Variants in DDX60 observed in about 807,000 individuals in gnomAD.
DDX60 encodes probable ATP-dependent RNA helicase DDX60.
A neutral mutation model predicts 212.8 loss-of-function variants in DDX60; 165 were observed. The ratio of observed to expected loss-of-function variants is 0.78; its 90% CI spans 0.68 to 0.88. The LOEUF is 0.88. DDX60 is among the 40% of genes least tolerant of loss of function. The pLI is 0.00. For missense variants in DDX60, 1,905 were observed against 2,003.9 expected (o/e 0.95, Z 0.94); for synonymous variants, 703 against 685.3 (o/e 1.03, Z -0.40).
chr4:168,304,084 C>G (rs1410322172), intron 5 of DDX60, among the ~76,000 whole-genome samples: 1 of 152,170 alleles, frequency 6.6e-6, no homozygotes, highest in Non-Finnish European at 1.5e-5. Context: ...ACTTACTGTA[C>G]TATGCGAATT....
chr4:168,245,829 TACAACC>T (rs1275813519), intron 30 of DDX60, among the ~76,000 whole-genome samples: 2 of 152,154 alleles, frequency 1.3e-5, no homozygotes, highest in East Asian at 3.9e-4. Flanking sequence ...AGGACACATT[TACAACC>T]ATATTTTGAA....
chr4:168,305,728 A>C (rs1302387764), intron 5 of DDX60, among the ~76,000 whole-genome samples: 1 of 151,572 alleles, frequency 6.6e-6, no homozygotes, highest in African/African-American at 2.4e-5. Flanking sequence ...AATAATTGTC[A>C]AATATACTAA....
At chr4:168,292,795 T>G (rs1316076978) in intron 7 of DDX60, among the ~76,000 whole-genome samples, 1 of 152,146 alleles carries the variant, frequency 6.6e-6, no homozygotes, top group East Asian at 1.9e-4. Flanking sequence ...TCAGGGCACC[T>G]CCAGAAGGCC....
At chr4:168,277,409 A>T (rs1735387897) in intron 14 of DDX60, among the ~76,000 whole-genome samples, 1 of 152,144 alleles carries the variant, frequency 6.6e-6, no homozygotes, top group Non-Finnish European at 1.5e-5. Flanking sequence ...CCGTCTTTGA[A>T]GGTGCTTATG....
intron 30 of DDX60, 93 bp downstream of exon 30, chr4:168,246,325 G>C: frequency 7.0e-7 from 1 of 1,419,160 alleles, no homozygotes; most frequent in Non-Finnish European, 9.8e-7. Context: ...GAAACTCAAG[G>C]GTGATTGCTA....
Position 168,306,727 on chromosome 4 carries a change from A to C in DDX60, c.265-7T>G. The stretch of plus-strand genomic sequence containing the variant: ...AATACGCATACTCGGCATCCTGTGG[A>C]GGAGGAGGTGAAGTACATTTTATTT... On this transcript the variant is annotated splice_region_variant and splice_polypyrimidine_tract_variant and intron_variant, in intron 4 of 37. Coordinates refer to ENST00000393743, the MANE Select transcript of DDX60 (RefSeq NM_017631.6). The C allele has an allele frequency of 6.3e-7, 1 of 1,592,584 alleles. No homozygotes were observed. The highest frequency in any genetic ancestry group is 8.6e-7 in the Non-Finnish European group (1 of 1,163,872).
At chr4:168,267,448 G>A (rs1162369570) in intron 22 of DDX60, 134 bp downstream of exon 22, 1 of 418,090 alleles carries the variant, frequency 2.4e-6, no homozygotes, top group African/African-American at 2.1e-5. Context: ...TTAAATTAAG[G>A]TTAAAGTATC....
chr4:168,226,482 C>G lies in DDX60; in HGVS notation c.4534-806G>C, dbSNP rs114716698. On this transcript the variant is annotated intron_variant, in intron 33 of 37. Transcript: ENST00000393743. ...AACCATCTATGAACCAAAAAGCAGC[C>G]CCCACCAGACACCTTGATTTAGAAC... is the stretch of plus-strand genomic sequence containing the variant. Among the ~76,000 whole-genome samples the G allele has an allele frequency of 2.0e-3, 310 of 152,046 alleles. 1 individual carries two copies. Among genetic ancestry groups the G allele is most frequent in the Middle Eastern group, 0.017 (5 of 294 alleles).
At chr4:168,266,033 T>C (rs1008428265) in intron 22 of DDX60, among the ~76,000 whole-genome samples, 1 of 152,180 alleles carries the variant, frequency 6.6e-6, no homozygotes, top group Admixed American at 6.5e-5. Flanking sequence ...GATTGGGCCA[T>C]TGTCACACAA....
chr4:168,317,002 G>A (rs1424413074), intron 1 of DDX60, among the ~76,000 whole-genome samples: 2 of 131,426 alleles, frequency 1.5e-5, no homozygotes, highest in Non-Finnish European at 3.1e-5. Context: ...AGGTTGCAGT[G>A]AACTGAGATC....
chr4:168,318,698 G>A lies in DDX60; in HGVS notation c.-183C>T, dbSNP rs977628502. The stretch of plus-strand genomic sequence containing the variant: ...GGGGAGGGAGTGAAACAGAGACCTA[G>A]CGCAGAGCCCAGGTGGAAGTTCCAG... On this transcript the variant is annotated 5_prime_UTR_variant, in exon 1 of 38. Coordinates refer to ENST00000393743, the MANE Select transcript of DDX60 (RefSeq NM_017631.6). The A allele has an allele frequency of 3.3e-5, 5 of 152,332 alleles. No homozygotes were observed. The highest frequency in any genetic ancestry group is 5.9e-5 in the Non-Finnish European group (4 of 68,108). 9.4% of individuals were successfully genotyped at this position (152,332 alleles called of 1,614,324 possible).
intron 27 of DDX60, among the ~76,000 whole-genome samples, chr4:168,251,611 G>A (rs1337339177): frequency 6.6e-6 from 1 of 152,208 alleles, no homozygotes; most frequent in Non-Finnish European, 1.5e-5. Flanking sequence ...CACTGCTTAT[G>A]AAGGAAGAGC....
At chr4:168,282,161 G>T (rs1735622254) in intron 13 of DDX60, among the ~76,000 whole-genome samples, 1 of 152,186 alleles carries the variant, frequency 6.6e-6, no homozygotes, top group Non-Finnish European at 1.5e-5. Context: ...GCTCAGAGAG[G>T]CTTCTCTTTG....
At chr4:168,257,222 T>C (rs1416753457) in intron 25 of DDX60, among the ~76,000 whole-genome samples, 1 of 152,086 alleles carries the variant, frequency 6.6e-6, no homozygotes, top group African/African-American at 2.4e-5. Flanking sequence ...GGCAGGAGAA[T>C]TGCTTGAACC....
At chr4:168,285,714 T>C (rs1375626335) in intron 10 of DDX60, among the ~76,000 whole-genome samples, 4 of 147,612 alleles carry the variant, frequency 2.7e-5, no homozygotes, top group Non-Finnish European at 6.0e-5. Flanking sequence ...TTGGCATATA[T>C]GTGGATATGC....
chr4:168,270,941 G>A (rs1455192502), intron 19 of DDX60, among the ~76,000 whole-genome samples: 2 of 137,474 alleles, frequency 1.5e-5, no homozygotes, highest in African/African-American at 2.8e-5. Flanking sequence ...GCAGTGGTAC[G>A]ATCTTGGCTC....
At chr4:168,297,354 GAA>G (rs1221543520) in intron 6 of DDX60, among the ~76,000 whole-genome samples, 15 of 72,084 alleles carry the variant, frequency 2.1e-4, no homozygotes, top group African/African-American at 9.0e-4. Context: ...AAGAAAGAAA[GAA>G]AGAAAGAAAG....
chr4:168,316,623 A>G (rs1443509257), intron 1 of DDX60, among the ~76,000 whole-genome samples: 1 of 152,212 alleles, frequency 6.6e-6, no homozygotes, highest in Non-Finnish European at 1.5e-5. Context: ...AGAGTGATTC[A>G]TTTCTAGAAA....
chr4:168,299,465 A>C (rs933831984), intron 6 of DDX60, among the ~76,000 whole-genome samples: 3 of 152,050 alleles, frequency 2.0e-5, no homozygotes, highest in Non-Finnish European at 2.9e-5. Flanking sequence ...AAGATGAAAG[A>C]AAGCACAAAA....
Sources: gnomAD v4.1 joint callset for allele counts (sites outside exome capture counted in the v4.1 genomes callset) on GRCh38, gnomAD v4.1.1 for gene constraint, MANE v1.5 for transcripts, NCBI Gene and HGNC (gene_info 2026-07-23, HGNC 2026-07-21) for gene names.